The following ATP6V0A2 variants were observed in gnomAD, a reference collection of about 807,000 sequenced individuals.
ATP6V0A2 encodes V-type proton ATPase 116 kDa subunit a 2.
Under a neutral mutation model 104.4 loss-of-function variants are expected in ATP6V0A2, and 58 were observed. The observed-to-expected ratio is 0.56, with a 90% CI of 0.45 to 0.69. The LOEUF (loss-of-function observed/expected upper bound fraction) is 0.69. ATP6V0A2 is among the 30% of genes least tolerant of loss of function. The pLI is 0.00. For missense variants in ATP6V0A2, 938 were observed against 1,062.9 expected, an observed-to-expected ratio of 0.88 and a Z score of 1.63; for synonymous variants, 376 against 397.9, an observed-to-expected ratio of 0.95 and a Z score of 0.65.
At chr12:123,735,071 G>A (rs1010724557) in intron 7 of ATP6V0A2, among the ~76,000 whole-genome samples, 1 of 152,074 alleles carries the variant, frequency 6.6e-6, no homozygotes, top group Non-Finnish European at 1.5e-5. Context: ...GTGCCGAGTG[G>A]CTGAGTGGCC....
At chr12:123,718,450 CT>C in intron 1 of ATP6V0A2, among the ~76,000 whole-genome samples, 172 bp from the exon 2 acceptor site, 1 of 152,000 alleles carries the variant, frequency 6.6e-6, no homozygotes, top group African/African-American at 2.4e-5. Context: ...GATTTTCAGG[CT>C]TTTTTGGTAA....
chr12:123,750,143 A>G (rs1956700825), intron 15 of ATP6V0A2: 1 of 152,232 alleles, frequency 6.6e-6, no homozygotes, highest in Admixed American at 6.5e-5. Context: ...CAGAAAGATC[A>G]AGGAAGGGCA....
At chr12:123,732,381 C>T (rs1288049857) in intron 6 of ATP6V0A2, 1 of 152,550 alleles carries the variant, frequency 6.6e-6, no homozygotes, top group Non-Finnish European at 1.5e-5. Flanking sequence ...GAATGATCCA[C>T]AGGAAACCAC....
intron 6 of ATP6V0A2, chr12:123,730,683 G>A (rs1312177366): frequency 6.6e-6 from 1 of 152,136 alleles, no homozygotes; most frequent in Non-Finnish European, 1.5e-5. Context: ...TATTTTTTGA[G>A]TTTTTTCTTT....
chr12:123,735,593 G>A lies in ATP6V0A2; in HGVS notation c.794G>A (p.Gly265Glu), dbSNP rs571403150. The A allele has an allele frequency of 3.2e-5, 52 of 1,613,338 alleles. No homozygotes were observed. Among genetic ancestry groups the A allele is most frequent in the Non-Finnish European group, 4.2e-5 (50 of 1,179,766 alleles). The stretch of plus-strand genomic sequence containing the variant: ...GAGGAGCGGAGGGAGATCCAGGAGG[G>A]GCTGAACACCCGCATCCAGGATCTC... ...TAEERREIQE[G>E]LNTRIQDLYT... is the part of the protein sequence containing the mutation. The change falls in exon 8 of 20, where the codon GGG (glycine) becomes GAG (glutamate). Residue 265 changes from glycine to glutamate, a missense_variant. By Grantham distance (98) the Gly-to-Glu change is moderately conservative. Transcript: ENST00000330342.
intron 17 of ATP6V0A2, 138 bp from the exon 18 acceptor site, chr12:123,754,282 C>A: frequency 1.4e-6 from 1 of 722,498 alleles, no homozygotes; most frequent in Non-Finnish European, 2.5e-6. Flanking sequence ...GGTTTCTGTT[C>A]CTCACACTCT....
chr12:123,729,274 C>T (rs543940083), intron 6 of ATP6V0A2, among the ~76,000 whole-genome samples: 116 of 150,428 alleles, frequency 7.7e-4, no homozygotes, highest in African/African-American at 2.8e-3. Context: ...ATGCATGTTG[C>T]AATTCCTCTC....
At chr12:123,729,604 G>A (rs752380112) in intron 6 of ATP6V0A2, among the ~76,000 whole-genome samples, 8 of 152,032 alleles carry the variant, frequency 5.3e-5, no homozygotes, top group Non-Finnish European at 1.0e-4. Context: ...TAGGATATCT[G>A]TTTTTTAAAC....
chr12:123,712,402 C>A lies in ATP6V0A2; in HGVS notation c.-164C>A. 1 of 380,704 alleles carries A rather than the reference C, an allele frequency of 2.6e-6. No individual in the cohort carries two copies. Among genetic ancestry groups the A allele is most frequent in the Non-Finnish European group, 4.6e-6 (1 of 219,188 alleles). The allele number at this position is 380,704 out of a possible 1,614,324, so 23.6% of individuals were successfully genotyped here. ...GCAGCTGGAGCGGCGGCCGCGGTGG[C>A]AGAACCGGGGGCGGCCGCTGCAGTC... On this transcript the variant is annotated 5_prime_UTR_variant, in exon 1 of 20. Transcript: ENST00000330342.
At chr12:123,740,143 C>CA (rs1027185368) in intron 9 of ATP6V0A2, among the ~76,000 whole-genome samples, 10 of 97,478 alleles carry the variant, frequency 1.0e-4, no homozygotes, top group Non-Finnish European at 2.1e-4. Context: ...GACCTTGTCT[C>CA]AAAAACAAAC....
chr12:123,757,763 G>A (rs974378424), intron 19 of ATP6V0A2, among the ~76,000 whole-genome samples, 164 bp from the exon 20 acceptor site: 2 of 152,186 alleles, frequency 1.3e-5, no homozygotes, highest in Non-Finnish European at 2.9e-5. Context: ...CACGGGGTTG[G>A]GGGTGCGGGG....
intron 6 of ATP6V0A2, 28 bp from the exon 7 acceptor site, chr12:123,733,898 A>G (rs1956527487): frequency 1.9e-6 from 3 of 1,546,842 alleles, no homozygotes; most frequent in Non-Finnish European, 2.7e-6. Context: ...ACGCAGAAAT[A>G]ACACTTATCC....
At chr12:123,728,661 A>G (rs1358392346) in intron 6 of ATP6V0A2, among the ~76,000 whole-genome samples, 1 of 152,180 alleles carries the variant, frequency 6.6e-6, no homozygotes, top group African/African-American at 2.4e-5. Context: ...TGGGTTTCTC[A>G]GGTATCTTCT....
At chr12:123,733,861 A>T in intron 6 of ATP6V0A2, 65 bp from the exon 7 acceptor site, 1 of 1,131,048 alleles carries the variant, frequency 8.8e-7, no homozygotes, top group Non-Finnish European at 1.4e-6. Context: ...ACAGTGTTTG[A>T]GCTGCCGAAG....
At chr12:123,735,292 C>T (rs1405800145) in intron 7 of ATP6V0A2, among the ~76,000 whole-genome samples, 5 of 152,064 alleles carry the variant, frequency 3.3e-5, no homozygotes, top group Non-Finnish European at 5.9e-5. Flanking sequence ...TTCCAGGAAT[C>T]ATTGAGGGCA....
At chr12:123,756,080 CAAA>C (rs780283574) in intron 18 of ATP6V0A2, among the ~76,000 whole-genome samples, 3 of 61,102 alleles carry the variant, frequency 4.9e-5, no homozygotes, top group African/African-American at 1.2e-4. Flanking sequence ...GACTCTGTCT[CAAA>C]AAAAAAAAAA....
In ATP6V0A2 at chr12:123,744,362, A is replaced by G; in HGVS notation, c.1326+25A>G. On this transcript the variant is annotated intron_variant, in intron 11 of 19. Transcript: ENST00000330342. This position sits in a 1 kb window ranked among gnomAD's most constrained non-coding sequence, Gnocchi z 5.4. ...GGTAAAAATATAAACACTCCAGCTC[A>G]TATATCTGGTTAGGTGGCATTAGCA... 1 of 1,614,008 alleles carries G rather than the reference A, an allele frequency of 6.2e-7. No individual in the cohort carries two copies. Among genetic ancestry groups the G allele is most frequent in the East Asian group, 2.2e-5 (1 of 44,884 alleles).
rs201697018 is a variant in ATP6V0A2, at chr12:123,744,566, C to A, written c.1327-31C>A. ...CTGTCACATGGACACCCTCCAGTAA[C>A]CATATTCTGCCCCCGCCTTGCCCTT... On this transcript the variant is annotated intron_variant, in intron 11 of 19. Coordinates refer to ENST00000330342, the MANE Select transcript of ATP6V0A2 (RefSeq NM_012463.4). The surrounding 1 kb of genome is among the most constrained non-coding windows in gnomAD (Gnocchi z 5.4). 2 of 1,612,106 alleles carry A rather than the reference C, an allele frequency of 1.2e-6. No individual in the cohort carries two copies. Among genetic ancestry groups the A allele is most frequent in the Admixed American group, 3.3e-5 (2 of 60,010 alleles).
In ATP6V0A2 at chr12:123,760,348, C is replaced by T. The variant is rs1956799750; in HGVS notation, c.*2316C>T. ...AGAATCCTAACTCTGGGAAAGCGCT[C>T]TCTGGAAATGTAGTTTGATAATAGT... On this transcript the variant is annotated 3_prime_UTR_variant, in exon 20 of 20. Transcript: ENST00000330342. 1 of 152,166 alleles carries T rather than the reference C, an allele frequency of 6.6e-6. No individual in the cohort carries two copies. Among genetic ancestry groups the T allele is most frequent in the African/African-American group, 2.4e-5 (1 of 41,422 alleles). The allele number at this position is 152,166 out of a possible 1,614,324, so 9.4% of individuals were successfully genotyped here.
Sources: gnomAD v4.1 joint callset for allele counts (sites outside exome capture counted in the v4.1 genomes callset) on GRCh38, gnomAD v4.1.1 for gene constraint, Gnocchi (gnomAD v3.1) non-coding constraint, MANE v1.5 for transcripts, NCBI Gene and HGNC (gene_info 2026-07-23, HGNC 2026-07-21) for gene names.